Variants in COL25A1 observed in about 807,000 individuals in gnomAD.
The protein encoded by COL25A1 is collagen alpha-1(XXV) chain.
Under a neutral mutation model 128.4 loss-of-function variants are expected in COL25A1, and 103 were observed. The ratio of observed to expected loss-of-function variants is 0.80; its 90% confidence interval spans 0.68 to 0.94. The LOEUF (loss-of-function observed/expected upper bound fraction) is 0.94, where lower values mean the gene tolerates loss of function less well. COL25A1 is among the 40% of genes least tolerant of loss of function. COL25A1 has a pLI of 0.00. For synonymous variants in COL25A1, 279 were observed against 277.2 expected, an observed-to-expected ratio of 1.01 and a Z score of -0.06; for missense variants, 745 against 840.0, an observed-to-expected ratio of 0.89 and a Z score of 1.40.
rs1302222023 is a variant in COL25A1 at position 109,300,607 on chromosome 4, G to A, written c.343C>T (p.Pro115Ser). 6.2e-7 allele frequency: 1 copy of A among 1,612,242 alleles called. No individual in the cohort carries two copies. Among genetic ancestry groups the A allele is most frequent in the African/African-American group, 1.3e-5 (1 of 75,004 alleles). Reference protein sequence around the residue: ...MAKIRIAREAPSECNCPAGPP... With the variant: ...MAKIRIAREASSECNCPAGPP... Reference sequence around the variant, plus strand: ...CCTGCTGGGCAGTTACATTCTGAAGGTGCTTCTCTTGCGATTCTTATTTTA... The same window carrying A: ...CCTGCTGGGCAGTTACATTCTGAAGATGCTTCTCTTGCGATTCTTATTTTA... Residue 115 changes from proline to serine, a missense_variant, in exon 3 of 38, where the codon CCT becomes TCT. Around this residue, in one of 3 missense-constraint regions of COL25A1, gnomAD observed 319 missense variants for 324.9 expected, o/e 0.98. Transcript: ENST00000399132.
chr4:108,842,243 CATTT>C (rs1324368381), intron 30 of COL25A1, among the ~76,000 whole-genome samples: 1 of 152,086 alleles, frequency 6.6e-6, no homozygotes, highest in Non-Finnish European at 1.5e-5. Context: ...TTTGTAGCAT[CATTT>C]ATTTAAGATT....
At chr4:108,999,634 A>G (rs1256822772) in intron 6 of COL25A1, among the ~76,000 whole-genome samples, 1 of 152,252 alleles carries the variant, frequency 6.6e-6, no homozygotes, top group Admixed American at 6.5e-5. Context: ...CCAAAGGATT[A>G]TAAATCATGC....
At chr4:109,218,356 G>GGGTTTTTTTTTGTTT (rs1778160567) in intron 3 of COL25A1, among the ~76,000 whole-genome samples, 1 of 100,470 alleles carries the variant, frequency 1.0e-5, no homozygotes, top group South Asian at 3.6e-4. Flanking sequence ...GGTTTTTTGG[G>GGGTTTTTTTTTGTTT]GTTTTTTTTT....
At chr4:108,968,637 T>G (rs1751586339) in intron 8 of COL25A1, among the ~76,000 whole-genome samples, 1 of 152,158 alleles carries the variant, frequency 6.6e-6, no homozygotes, top group African/African-American at 2.4e-5. Flanking sequence ...GGCAGTACTC[T>G]TCTTACTCTT....
chr4:109,019,375 C>CATATATATATATATATATATAT (rs57842656), intron 5 of COL25A1, among the ~76,000 whole-genome samples: 571 of 48,342 alleles, frequency 0.012, 6 homozygotes, highest in Non-Finnish European at 0.014. Context: ...CACACACACA[C>CATATATATATATATATATATAT]ATATATATAT....
chr4:109,289,982 T>C (rs542596413), intron 3 of COL25A1, among the ~76,000 whole-genome samples: 32 of 152,098 alleles, frequency 2.1e-4, no homozygotes, highest in African/African-American at 7.2e-4. Context: ...TGATTAAAAA[T>C]AAACAAAAGT....
intron 3 of COL25A1, among the ~76,000 whole-genome samples, chr4:109,098,183 C>G (rs918139000): frequency 2.0e-5 from 3 of 152,132 alleles, no homozygotes; most frequent in Non-Finnish European, 4.4e-5. Context: ...TTAGAGTATG[C>G]TACTTTTCTT....
chr4:109,174,817 C>G (rs1406604330), intron 3 of COL25A1, among the ~76,000 whole-genome samples: 1 of 152,164 alleles, frequency 6.6e-6, no homozygotes, highest in Non-Finnish European at 1.5e-5. Flanking sequence ...GTCCTCAAAG[C>G]CAAGGCTGCA....
chr4:109,098,251 A>G (rs1325616792), intron 3 of COL25A1, among the ~76,000 whole-genome samples: 3 of 152,164 alleles, frequency 2.0e-5, no homozygotes, highest in African/African-American at 7.2e-5. Flanking sequence ...TAAGACCCAT[A>G]CTGTCTTGTG....
intron 13 of COL25A1, among the ~76,000 whole-genome samples, chr4:108,905,561 G>A (rs986391519): frequency 1.3e-5 from 2 of 150,732 alleles, no homozygotes; most frequent in African/African-American, 4.9e-5. Context: ...AATATTACTT[G>A]TTTCTTTTTA....
chr4:109,205,628 A>G (rs1261640044), intron 3 of COL25A1, among the ~76,000 whole-genome samples: 2 of 152,114 alleles, frequency 1.3e-5, no homozygotes, highest in Admixed American at 1.3e-4. Flanking sequence ...GCCACCCCTG[A>G]TCATTTACCC....
chr4:109,212,228 A>T (rs1231122512), intron 3 of COL25A1, among the ~76,000 whole-genome samples: 1 of 152,020 alleles, frequency 6.6e-6, no homozygotes, highest in African/African-American at 2.4e-5. Context: ...TAGTTCTCTG[A>T]TATGGTTACA....
intron 3 of COL25A1, among the ~76,000 whole-genome samples, chr4:109,255,040 A>G (rs1780989182): frequency 6.6e-6 from 1 of 152,200 alleles, no homozygotes; most frequent in African/African-American, 2.4e-5. Flanking sequence ...GGCAAGGAAA[A>G]TGCTGTCTTC....
chr4:109,155,555 G>T (rs150812599), intron 3 of COL25A1, among the ~76,000 whole-genome samples: 1 of 152,128 alleles, frequency 6.6e-6, no homozygotes, highest in African/African-American at 2.4e-5. Flanking sequence ...TAAAAGTAAC[G>T]CACTAAACAT....
chr4:109,011,119 G>A (rs1447264435), intron 5 of COL25A1, among the ~76,000 whole-genome samples: 2 of 152,188 alleles, frequency 1.3e-5, no homozygotes, highest in Admixed American at 6.5e-5. Context: ...GTGAATAAAA[G>A]TATGGATTTC....
At chr4:109,187,827 AG>A (rs1396441827) in intron 3 of COL25A1, among the ~76,000 whole-genome samples, 2 of 152,192 alleles carry the variant, frequency 1.3e-5, no homozygotes, top group African/African-American at 4.8e-5. Context: ...CATCAACCTT[AG>A]AAAAATGGTT....
At chr4:108,944,767 T>C (rs1748529292) in intron 8 of COL25A1, among the ~76,000 whole-genome samples, 2 of 152,046 alleles carry the variant, frequency 1.3e-5, no homozygotes, top group Admixed American at 1.3e-4. Context: ...AAAGAGAGAA[T>C]TGGATAGGTA....
intron 3 of COL25A1, among the ~76,000 whole-genome samples, chr4:109,221,466 C>T (rs11946089): frequency 1.3e-5 from 2 of 152,032 alleles, no homozygotes; most frequent in South Asian, 2.1e-4. Context: ...TGTTTCCAAG[C>T]GTATGCAGAA....
intron 3 of COL25A1, among the ~76,000 whole-genome samples, chr4:109,298,312 T>C (rs1419567153): frequency 6.6e-6 from 1 of 152,188 alleles, no homozygotes; most frequent in Non-Finnish European, 1.5e-5. Context: ...TGAATAAACC[T>C]CACTGGGACT....
Sources: allele counts gnomAD v4.1 joint callset (sites outside exome capture counted in the v4.1 genomes callset), GRCh38; gene constraint gnomAD v4.1.1; regional missense constraint gnomAD v4.1.1; transcripts MANE v1.5; gene names NCBI Gene and HGNC (gene_info 2026-07-23, HGNC 2026-07-21).